Variants in GDAP1 observed in about 807,000 individuals in gnomAD.
GDAP1 encodes the protein ganglioside induced differentiation associated protein 1, also known as ganglioside-induced differentiation-associated protein 1.
GDAP1 carries 34 observed loss-of-function variants against 40.1 expected under a neutral mutation model. The observed-to-expected ratio is 0.85, with a 90% confidence interval of 0.64 to 1.13. The LOEUF (loss-of-function observed/expected upper bound fraction) is 1.13, where lower values mean the gene tolerates loss of function less well. Ranked by LOEUF, GDAP1 falls within the 50% of genes most tolerant of loss-of-function variation. The pLI, the probability that GDAP1 is intolerant of heterozygous loss-of-function variation, is 0.00. For synonymous variants in GDAP1, 170 were observed against 157.4 expected, an observed-to-expected ratio of 1.08 and a Z score of -0.60; for missense variants, 374 against 433.7, an observed-to-expected ratio of 0.86 and a Z score of 1.22.
chr8:74,360,753 A>C (rs548271678), intron 3 of GDAP1, among the ~76,000 whole-genome samples: 1 of 152,190 alleles, frequency 6.6e-6, no homozygotes, highest in Non-Finnish European at 1.5e-5. Flanking sequence ...CTCTGTCTCT[A>C]TGTTCAGTGA....
intron 2 of GDAP1, among the ~76,000 whole-genome samples, chr8:74,475,238 G>A (rs1806614351): frequency 6.6e-6 from 1 of 150,936 alleles, no homozygotes; most frequent in Admixed American, 6.6e-5. Flanking sequence ...ACCAACTCCT[G>A]GCTTTGTTGA....
At chr8:74,483,820 A>G (rs1806743165) in intron 2 of GDAP1, among the ~76,000 whole-genome samples, 1 of 152,216 alleles carries the variant, frequency 6.6e-6, no homozygotes, top group East Asian at 1.9e-4. Context: ...TTGTTGAACC[A>G]GGATTTTCTT....
chr8:74,473,713 T>G (rs1806589967), intron 2 of GDAP1, among the ~76,000 whole-genome samples: 1 of 152,220 alleles, frequency 6.6e-6, no homozygotes, highest in African/African-American at 2.4e-5. Flanking sequence ...TGTAGTCCTG[T>G]AGTACAGTTT....
At chr8:74,419,335 G>C (rs1805826721) in intron 2 of GDAP1, among the ~76,000 whole-genome samples, 1 of 152,112 alleles carries the variant, frequency 6.6e-6, no homozygotes, top group Non-Finnish European at 1.5e-5. Context: ...TAATAGTTCT[G>C]AACAATGAAA....
chr8:74,443,077 T>A (rs867460983), intron 2 of GDAP1, among the ~76,000 whole-genome samples: 16 of 152,284 alleles, frequency 1.1e-4, no homozygotes, highest in Middle Eastern at 3.4e-3. Context: ...GTTGATGCAT[T>A]TATAGAAAAA....
chr8:74,481,027 A>G (rs752999340), intron 2 of GDAP1, among the ~76,000 whole-genome samples: 3 of 152,226 alleles, frequency 2.0e-5, no homozygotes, highest in Non-Finnish European at 4.4e-5. Flanking sequence ...ATGTATCCTG[A>G]GTACTTTATG....
chr8:74,395,976 A>G (rs1810191943), intron 2 of GDAP1, among the ~76,000 whole-genome samples: 1 of 152,224 alleles, frequency 6.6e-6, no homozygotes, highest in Non-Finnish European at 1.5e-5. Context: ...AAAACAGAGT[A>G]AGAGTAAATG....
chr8:74,478,657 TCCAG>T (rs1586847984), intron 2 of GDAP1, among the ~76,000 whole-genome samples: 1 of 152,158 alleles, frequency 6.6e-6, no homozygotes, highest in East Asian at 1.9e-4. Context: ...TAGGCACAAG[TCCAG>T]CCTAGGGGAA....
chr8:74,471,290 G>A (rs61104761), intron 2 of GDAP1, among the ~76,000 whole-genome samples: 1 of 151,920 alleles, frequency 6.6e-6, no homozygotes, highest in African/African-American at 2.4e-5. Context: ...TGTTGCCATT[G>A]CTTTTGGTGT....
chr8:74,418,032 C>G (rs1347901872), intron 2 of GDAP1, among the ~76,000 whole-genome samples: 1 of 152,112 alleles, frequency 6.6e-6, no homozygotes, highest in Non-Finnish European at 1.5e-5. Flanking sequence ...TGAAAGAAAT[C>G]TAAGAAGGCC....
intron 2 of GDAP1, among the ~76,000 whole-genome samples, chr8:74,352,995 G>C (rs1245563093): frequency 6.6e-6 from 1 of 151,990 alleles, no homozygotes; most frequent in African/African-American, 2.4e-5. Flanking sequence ...TCCTTACACT[G>C]TTTTTCCTCT....
At chr8:74,386,395 C>T (rs1254772985) in intron 2 of GDAP1, among the ~76,000 whole-genome samples, 1 of 152,136 alleles carries the variant, frequency 6.6e-6, no homozygotes, top group Non-Finnish European at 1.5e-5. Flanking sequence ...CCAGTTTCAG[C>T]TTTCTGCATA....
chr8:74,429,163 T>C (rs1038136311), intron 2 of GDAP1, among the ~76,000 whole-genome samples: 2 of 152,142 alleles, frequency 1.3e-5, no homozygotes, highest in South Asian at 2.1e-4. Context: ...TGAATAGTGC[T>C]GCAATAAGCA....
At chr8:74,438,800 C>T (rs908100006) in intron 2 of GDAP1, among the ~76,000 whole-genome samples, 3 of 152,176 alleles carry the variant, frequency 2.0e-5, no homozygotes, top group African/African-American at 2.4e-5. Context: ...GGAGATCTTG[C>T]TATGTTGCCC....
chr8:74,483,137 A>C (rs542681577), intron 2 of GDAP1, among the ~76,000 whole-genome samples: 23 of 152,294 alleles, frequency 1.5e-4, no homozygotes, highest in East Asian at 1.2e-3. Flanking sequence ...CTGGACACAC[A>C]GTTAGAGTTC....
At chr8:74,434,286 T>C (rs771712404) in intron 2 of GDAP1, among the ~76,000 whole-genome samples, 1 of 152,216 alleles carries the variant, frequency 6.6e-6, no homozygotes. Flanking sequence ...AAGACCGTGA[T>C]CATTTCATTA....
At chr8:74,360,331 C>T in intron 3 of GDAP1, 21 bp downstream of exon 3, 1 of 1,595,684 alleles carries the variant, frequency 6.3e-7, no homozygotes, top group South Asian at 1.1e-5. Context: ...ATTTTAAAGA[C>T]CTGGAATTCT....
intron 2 of GDAP1, among the ~76,000 whole-genome samples, chr8:74,447,029 A>G (rs1051743052): frequency 6.6e-6 from 1 of 152,170 alleles, no homozygotes; most frequent in African/African-American, 2.4e-5. Context: ...TAAATTGTAC[A>G]TTTAATCAAA....
At chr8:74,378,366 C>T (rs916285565) in intron 2 of GDAP1, among the ~76,000 whole-genome samples, 1 of 152,156 alleles carries the variant, frequency 6.6e-6, no homozygotes, top group Admixed American at 6.5e-5. Flanking sequence ...GGTCTGAGCT[C>T]AGCGTTCTTT....
Sources: gnomAD v4.1 joint callset for allele counts (sites outside exome capture counted in the v4.1 genomes callset) on GRCh38, gnomAD v4.1.1 for gene constraint, MANE v1.5 for transcripts, NCBI Gene and HGNC (gene_info 2026-07-23, HGNC 2026-07-21) for gene names.